Variants in RANBP17 observed in about 807,000 individuals in gnomAD.
The protein encoded by RANBP17 is RAN binding protein 17.
A neutral mutation model predicts 141.2 loss-of-function variants in RANBP17; 158 were observed. The ratio of observed to expected loss-of-function variants is 1.12; its 90% CI spans 0.98 to 1.28. RANBP17 has a LOEUF of 1.28. Ranked by LOEUF, RANBP17 falls within the 50% of genes most tolerant of loss-of-function variation. The probability of loss-of-function intolerance (pLI) is 0.00; values close to 1 mark genes in which losing one functional copy is unlikely to be tolerated. For missense variants in RANBP17, 1,438 were observed against 1,290.7 expected (o/e 1.11, Z -1.75); for synonymous variants, 430 against 450.0 (o/e 0.96, Z 0.56).
chr5:170,970,788 C>G (rs987816342), intron 14 of RANBP17: 1 of 152,124 alleles, frequency 6.6e-6, no homozygotes, highest in Non-Finnish European at 1.5e-5. Flanking sequence ...TTTTAACTCT[C>G]AAATTCTGAG....
chr5:171,223,724 T>C (rs17680389), intron 22 of RANBP17, among the ~76,000 whole-genome samples: 20,062 of 152,218 alleles, frequency 0.13, 1,505 homozygotes, highest in East Asian at 0.16. Flanking sequence ...ATTTTCTAAA[T>C]ACAATTTGCC....
intron 14 of RANBP17, among the ~76,000 whole-genome samples, chr5:171,064,923 A>G (rs973568413): frequency 3.9e-5 from 6 of 152,068 alleles, no homozygotes; most frequent in East Asian, 3.8e-4. Context: ...TCTGCGATAT[A>G]TGCTGTGAAT....
chr5:171,207,867 T>G (rs1762669029), intron 20 of RANBP17: 1 of 152,202 alleles, frequency 6.6e-6, no homozygotes, highest in African/African-American at 2.4e-5. Context: ...ATTTGATAAT[T>G]CAAAAAGCTT....
chr5:171,075,886 G>C (rs1784887167), intron 14 of RANBP17, among the ~76,000 whole-genome samples: 1 of 152,128 alleles, frequency 6.6e-6, no homozygotes, highest in Non-Finnish European at 1.5e-5. Flanking sequence ...CTAGGAGGCG[G>C]AGGTTGCAGT....
chr5:171,246,423 A>G (rs1765221675), intron 24 of RANBP17, among the ~76,000 whole-genome samples: 1 of 152,152 alleles, frequency 6.6e-6, no homozygotes, highest in Admixed American at 6.5e-5. Context: ...AACTTGAGCA[A>G]TTGTTTTCCT....
intron 18 of RANBP17, among the ~76,000 whole-genome samples, chr5:171,190,401 A>G (rs1487358383): frequency 1.3e-5 from 2 of 152,226 alleles, no homozygotes; most frequent in Non-Finnish European, 2.9e-5. Context: ...GTTCACTTGC[A>G]TAAAGAACAG....
At chr5:171,195,496 C>G (rs867943734) in intron 18 of RANBP17, among the ~76,000 whole-genome samples, 1 of 152,202 alleles carries the variant, frequency 6.6e-6, no homozygotes, top group Admixed American at 6.5e-5. Context: ...AAAACGTAAA[C>G]ATTTCTATAG....
At chr5:171,147,684 G>A (rs192730335) in intron 14 of RANBP17, among the ~76,000 whole-genome samples, 301 of 152,226 alleles carry the variant, frequency 2.0e-3, no homozygotes, top group Non-Finnish European at 3.6e-3. Context: ...AAAGTACTGA[G>A]ATTACAGGCA....
intron 14 of RANBP17, among the ~76,000 whole-genome samples, chr5:171,104,976 T>C (rs1306838423): frequency 1.3e-5 from 2 of 152,350 alleles, no homozygotes; most frequent in Middle Eastern, 3.4e-3. Context: ...AGTGTATTTA[T>C]ATAAATGATG....
At chr5:171,189,811 A>G (rs1171705677) in intron 18 of RANBP17, among the ~76,000 whole-genome samples, 3 of 152,234 alleles carry the variant, frequency 2.0e-5, no homozygotes, top group Non-Finnish European at 1.5e-5. Context: ...GGTTGACTGG[A>G]ACATGGCTGT....
chr5:171,156,599 A>G (rs1758919884), intron 14 of RANBP17, among the ~76,000 whole-genome samples: 1 of 152,150 alleles, frequency 6.6e-6, no homozygotes, highest in Non-Finnish European at 1.5e-5. Flanking sequence ...GACATTTCAT[A>G]TGATGTACCA....
intron 14 of RANBP17, among the ~76,000 whole-genome samples, chr5:170,999,190 G>A (rs988722744): frequency 2.0e-5 from 3 of 151,990 alleles, no homozygotes; most frequent in African/African-American, 4.8e-5. Context: ...GCCTATATCA[G>A]TGTTTGCAAT....
chr5:171,240,826 G>A (rs1335208966), intron 22 of RANBP17, 102 bp from the exon 23 acceptor site: 29 of 668,134 alleles, frequency 4.3e-5, no homozygotes, highest in Middle Eastern at 8.5e-4. Flanking sequence ...ATGCTGGGAG[G>A]AAGTGAACAT....
intron 5 of RANBP17, among the ~76,000 whole-genome samples, chr5:170,905,944 T>A (rs1296413795): frequency 1.3e-5 from 2 of 152,116 alleles, no homozygotes; most frequent in Non-Finnish European, 2.9e-5. Flanking sequence ...ATGTGCAGTT[T>A]AGAGAGCAAC....
intron 19 of RANBP17, among the ~76,000 whole-genome samples, chr5:171,201,481 C>T (rs1762291970): frequency 6.6e-6 from 1 of 152,242 alleles, no homozygotes; most frequent in African/African-American, 2.4e-5. Context: ...ACAGTGCACT[C>T]CGTGCTTCCG....
chr5:171,287,278 G>A (rs1487020927), intron 25 of RANBP17, among the ~76,000 whole-genome samples: 1 of 152,110 alleles, frequency 6.6e-6, no homozygotes, highest in Non-Finnish European at 1.5e-5. Flanking sequence ...GTCACCTGAG[G>A]TCAGGAGTTC....
At chr5:170,873,002 C>G (rs1478220569) in intron 1 of RANBP17, among the ~76,000 whole-genome samples, 1 of 152,164 alleles carries the variant, frequency 6.6e-6, no homozygotes, top group African/African-American at 2.4e-5. Flanking sequence ...ACCTCCACCT[C>G]CAGGGTTCAT....
At chr5:171,122,820 A>C (rs1756140182) in intron 14 of RANBP17, among the ~76,000 whole-genome samples, 1 of 152,198 alleles carries the variant, frequency 6.6e-6, no homozygotes, top group Admixed American at 6.5e-5. Flanking sequence ...TTGGGAGCCC[A>C]GCCACTGCCA....
At position 171,242,769 on chromosome 5, in the gene RANBP17, C is replaced by A. The variant is rs751772517; in HGVS notation, c.2725C>A (p.Pro909Thr). ...GAGCTTCATCATCAACTTAGAGCCTCCTGTACTCATGTATGTTCTCACATC... is the reference window on the plus strand; with the variant it reads ...GAGCTTCATCATCAACTTAGAGCCTACTGTACTCATGTATGTTCTCACATC... ...HMSFIINLEP[P>T]VLMYVLTSIS... is the part of the protein sequence containing the mutation. Residue 909 changes from proline (P) to threonine (T), a missense_variant, in exon 24 of 28, where the codon CCT becomes ACT. Transcript: ENST00000523189. 16 of 1,613,470 alleles carry A rather than the reference C, an allele frequency of 9.9e-6. No individual in the cohort carries two copies. The Admixed American group carries it at 2.7e-4, about 27-fold the overall frequency.
Sources: allele counts gnomAD v4.1 joint callset (sites outside exome capture counted in the v4.1 genomes callset), GRCh38; gene constraint gnomAD v4.1.1; transcripts MANE v1.5; gene names NCBI Gene and HGNC (gene_info 2026-07-23, HGNC 2026-07-21).